The following ELMO1 variants were observed in gnomAD, a reference collection of about 807,000 sequenced individuals.
ELMO1 encodes engulfment and cell motility protein 1.
ELMO1 carries 26 observed loss-of-function variants against 98.9 expected under a neutral mutation model. That is an observed-to-expected ratio of 0.26 (90% CI 0.19 to 0.36). The LOEUF (loss-of-function observed/expected upper bound fraction) is 0.36. ELMO1 is among the 10% of genes least tolerant of loss of function. The probability of loss-of-function intolerance (pLI) is 1.00; values close to 1 mark genes in which losing one functional copy is unlikely to be tolerated. For synonymous variants in ELMO1, 346 were observed against 346.0 expected (o/e 1.00, Z 0.00); for missense variants, 627 against 935.2 (o/e 0.67, Z 4.30).
Position 37,140,829 on chromosome 7 carries a change from G to A in ELMO1, c.1087-7595C>T, listed in dbSNP as rs185710782. 3.2e-3 allele frequency among the ~76,000 whole-genome samples: 480 copies of A among 152,216 alleles called. 5 individuals are homozygous for A. The highest frequency in any genetic ancestry group is 3.9e-3 in the Non-Finnish European group (265 of 68,016). On this transcript the variant is annotated intron_variant, in intron 13 of 21. Coordinates refer to ENST00000310758, the MANE Select transcript of ELMO1 (RefSeq NM_014800.11). ...GGGAAATGCAAATCGAAACCACAAT[G>A]CAATACCACCTGACTCCTATAAGAA...
At chr7:37,210,129 A>T (rs926290872) in intron 13 of ELMO1, among the ~76,000 whole-genome samples, 1 of 152,160 alleles carries the variant, frequency 6.6e-6, no homozygotes, top group Admixed American at 6.5e-5. Flanking sequence ...AATGGACATG[A>T]CTTTCTGTGT....
intron 13 of ELMO1, among the ~76,000 whole-genome samples, chr7:37,180,971 A>G (rs537659598): frequency 1.3e-5 from 2 of 152,318 alleles, no homozygotes; most frequent in African/African-American, 4.8e-5. Flanking sequence ...GGTTAAAATC[A>G]TATCAAAATA....
At chr7:36,947,600 A>T (rs1787605617) in intron 16 of ELMO1, among the ~76,000 whole-genome samples, 1 of 152,158 alleles carries the variant, frequency 6.6e-6, no homozygotes, top group South Asian at 2.1e-4. Flanking sequence ...TTTCCAAAGC[A>T]CAGATCTGAT....
intron 4 of ELMO1, among the ~76,000 whole-genome samples, chr7:37,298,090 C>T (rs906711903): frequency 6.6e-6 from 1 of 152,006 alleles, no homozygotes; most frequent in Non-Finnish European, 1.5e-5. Context: ...TATCTGCTTG[C>T]TTCAGAGCAG....
At chr7:37,094,581 T>A (rs1784278525) in intron 15 of ELMO1, among the ~76,000 whole-genome samples, 1 of 152,092 alleles carries the variant, frequency 6.6e-6, no homozygotes, top group Non-Finnish European at 1.5e-5. Flanking sequence ...TGGATGGGGA[T>A]CCACTGACCC....
At chr7:36,992,591 A>G (rs954757529) in intron 16 of ELMO1, among the ~76,000 whole-genome samples, 1 of 152,224 alleles carries the variant, frequency 6.6e-6, no homozygotes, top group Non-Finnish European at 1.5e-5. Context: ...GACTGGGCCA[A>G]TGGTAGGATA....
At chr7:37,274,310 C>G (rs952353271) in intron 4 of ELMO1, among the ~76,000 whole-genome samples, 6 of 152,154 alleles carry the variant, frequency 3.9e-5, no homozygotes, top group Non-Finnish European at 8.8e-5. Context: ...TGCTCAAGCT[C>G]TAAACAACTT....
In ELMO1 at chr7:37,276,301, A is replaced by G. The variant is rs1584906093; in HGVS notation, c.193-4419T>C. On this transcript the variant is annotated intron_variant, in intron 4 of 21. Transcript: ENST00000310758. ...GAAAGAGAGAGAGAGTTCGCTGTTTATTATTAAGCACAAAAATAACACGTA... is the reference window on the plus strand; with the variant it reads ...GAAAGAGAGAGAGAGTTCGCTGTTTGTTATTAAGCACAAAAATAACACGTA... Among the ~76,000 whole-genome samples, 7 of 152,272 alleles carry G rather than the reference A, an allele frequency of 4.6e-5. No homozygotes were observed. In the South Asian group the frequency reaches 1.5e-3, roughly 32 times the overall value.
At chr7:37,350,993 G>T (rs976111440) in intron 1 of ELMO1, 7 of 152,164 alleles carry the variant, frequency 4.6e-5, no homozygotes, top group African/African-American at 1.7e-4. Flanking sequence ...TGTTAGTTAA[G>T]CACCCCAGTC....
At chr7:37,101,176 G>A (rs1359567818) in intron 14 of ELMO1, among the ~76,000 whole-genome samples, 2 of 152,186 alleles carry the variant, frequency 1.3e-5, no homozygotes, top group African/African-American at 2.4e-5. Flanking sequence ...AGGCCTTCTG[G>A]TTGTTTTAGC....
chr7:37,361,128 A>G (rs1801683696), intron 1 of ELMO1, among the ~76,000 whole-genome samples: 2 of 152,370 alleles, frequency 1.3e-5, no homozygotes, highest in Admixed American at 6.5e-5. Context: ...TATTTATCAT[A>G]TGACACAGCA....
intron 13 of ELMO1, among the ~76,000 whole-genome samples, chr7:37,176,484 C>G (rs1022910766): frequency 6.6e-6 from 1 of 152,094 alleles, no homozygotes; most frequent in African/African-American, 2.4e-5. Flanking sequence ...TAAAAATGTA[C>G]AATATAATAT....
chr7:37,442,107 C>T (rs534655615), intron 1 of ELMO1, among the ~76,000 whole-genome samples: 19 of 152,136 alleles, frequency 1.2e-4, no homozygotes, highest in Non-Finnish European at 2.1e-4. Flanking sequence ...TTGTCACAAA[C>T]GACTAATGTA....
At chr7:37,259,142 C>G in intron 6 of ELMO1, 39 bp downstream of exon 6, 1 of 1,578,688 alleles carries the variant, frequency 6.3e-7, no homozygotes, top group Non-Finnish European at 8.6e-7. Flanking sequence ...CGCGGAGACA[C>G]GCAGGACAGC....
At chr7:37,174,662 C>T (rs1790404019) in intron 13 of ELMO1, among the ~76,000 whole-genome samples, 1 of 152,162 alleles carries the variant, frequency 6.6e-6, no homozygotes, top group African/African-American at 2.4e-5. Flanking sequence ...CCCATGGGTA[C>T]AACAAACTCC....
At chr7:37,246,415 T>G (rs1795007977) in intron 6 of ELMO1, among the ~76,000 whole-genome samples, 1 of 152,160 alleles carries the variant, frequency 6.6e-6, no homozygotes, top group South Asian at 2.1e-4. Context: ...GAGAAAGTAT[T>G]ATAGTGGAGA....
intron 11 of ELMO1, 31 bp from the exon 12 acceptor site, chr7:37,213,488 T>TA (rs749605119): frequency 6.3e-7 from 1 of 1,580,474 alleles, no homozygotes; most frequent in Non-Finnish European, 8.6e-7. Flanking sequence ...TGAAATTTTT[T>TA]AAAAAAGAAA....
At chr7:37,242,563 T>C (rs191565411) in intron 7 of ELMO1, among the ~76,000 whole-genome samples, 75 of 152,318 alleles carry the variant, frequency 4.9e-4, no homozygotes, top group African/African-American at 1.6e-3. Context: ...TATTCAGATA[T>C]CAGTTTTGTT....
chr7:36,873,705 C>T (rs956549841), intron 19 of ELMO1, among the ~76,000 whole-genome samples: 1 of 152,244 alleles, frequency 6.6e-6, no homozygotes, highest in Admixed American at 6.5e-5. Context: ...CCCCCCAAAT[C>T]ATGCTGAGCA....
Sources: allele counts gnomAD v4.1 joint callset (sites outside exome capture counted in the v4.1 genomes callset), GRCh38; gene constraint gnomAD v4.1.1; transcripts MANE v1.5; gene names NCBI Gene and HGNC (gene_info 2026-07-23, HGNC 2026-07-21).